CCM2L: variants seen among roughly 807,000 people sequenced by gnomAD.
CCM2L encodes CCM2 like scaffold protein, also known as cerebral cavernous malformations 2 protein-like.
Under a neutral mutation model 54.1 loss-of-function variants are expected in CCM2L, and 36 were observed. That is an observed-to-expected ratio of 0.67 (90% CI 0.51 to 0.88). The LOEUF (loss-of-function observed/expected upper bound fraction) is 0.88. CCM2L is among the 40% of genes least tolerant of loss of function. The probability of loss-of-function intolerance (pLI) is 0.00; values close to 1 mark genes in which losing one functional copy is unlikely to be tolerated. For synonymous variants in CCM2L, 351 were observed against 359.3 expected, an observed-to-expected ratio of 0.98 and a Z score of 0.26; for missense variants, 700 against 812.1, an observed-to-expected ratio of 0.86 and a Z score of 1.68.
Position 32,031,150 on chromosome 20 carries a change from T to C in CCM2L, c.1552T>C (p.Tyr518His). The stretch of plus-strand genomic sequence containing the variant: ...CACGTCGGCCTCCGCAGTGCGCAGC[T>C]ACGATGGCGCGGCGCAGCGGCCCGA... ...SSTSASAVRS[Y>H]DGAAQRPEAQ... Residue 518 changes from tyrosine (Y) to histidine (H), a missense_variant, in exon 10 of 10, where the codon TAC becomes CAC. Physicochemically the swap from Tyr to His is moderately conservative, Grantham distance 83. Coordinates refer to ENST00000452892, the MANE Select transcript of CCM2L (RefSeq NM_001365692.1). The C allele has an allele frequency of 7.7e-7, 1 of 1,303,372 alleles. No individual in the cohort carries two copies. Among genetic ancestry groups the C allele is most frequent in the Non-Finnish European group, 1.0e-6 (1 of 988,664 alleles). 80.7% of individuals were successfully genotyped at this position (1,303,372 alleles called of 1,614,324 possible).
At chr20:32,021,702 T>C (rs1369038670) in intron 5 of CCM2L, among the ~76,000 whole-genome samples, 1 of 152,070 alleles carries the variant, frequency 6.6e-6, no homozygotes, top group Non-Finnish European at 1.5e-5. Context: ...ATCTGAGTCA[T>C]CCTGGTCCTA....
At position 32,018,072 on chromosome 20, in the gene CCM2L, G is replaced by A; in HGVS notation, c.376G>A (p.Glu126Lys). ...CCTGCTGCTCACCTGGCGCGACAAT[G>A]AAGAGCTCATTCTGCGAATCCCTAC... ...RCLLLTWRDN[E>K]ELILRIPTHE... Residue 126 changes from glutamate to lysine, a missense_variant, in exon 4 of 10, where the codon GAA (glutamate) becomes AAA (lysine). Coordinates refer to ENST00000452892, the MANE Select transcript of CCM2L (RefSeq NM_001365692.1). 6.2e-7 allele frequency: 1 copy of A among 1,613,486 alleles called. No individual in the cohort carries two copies. The highest frequency in any genetic ancestry group is 2.2e-5 in the East Asian group (1 of 44,866).
chr20:32,018,934 C>A lies in CCM2L; in HGVS notation c.467-9C>A. 7.5e-7 allele frequency: 1 copy of A among 1,334,494 alleles called. No individual in the cohort carries two copies. Among genetic ancestry groups the A allele is most frequent in the Non-Finnish European group, 9.6e-7 (1 of 1,045,000 alleles). The allele number at this position is 1,334,494 out of a possible 1,614,324, so 82.7% of individuals were successfully genotyped here. ...TCCCCGCGGCTGACGGTCCCCCGGA[C>A]TCTCCTAGGTCTGGGTGTGGACCCG... On this transcript the variant is annotated splice_polypyrimidine_tract_variant and intron_variant, in intron 4 of 9. Coordinates refer to ENST00000452892, the MANE Select transcript of CCM2L (RefSeq NM_001365692.1).
At position 32,029,820 on chromosome 20, in the gene CCM2L, C is replaced by G; in HGVS notation, c.1384C>G (p.Arg462Gly). The part of the protein sequence containing the change: ...TGLLKLYGDR[R>G]KFLLLGMRPF... ...CCTGCTGAAGCTCTACGGAGACCGG[C>G]GCAAGTTCCTCCTCCTTGGTGAGCC... Residue 462 changes from arginine to glycine, a missense_variant, in exon 9 of 10, where the codon CGC (arginine) becomes GGC (glycine). Arg to Gly is a moderately radical substitution (Grantham distance 125). Coordinates refer to ENST00000452892, the MANE Select transcript of CCM2L (RefSeq NM_001365692.1). 1 of 1,605,142 alleles carries G rather than the reference C, an allele frequency of 6.2e-7. No individual in the cohort carries two copies. Among genetic ancestry groups the G allele is most frequent in the Non-Finnish European group, 8.5e-7 (1 of 1,174,542 alleles).
At position 32,018,924 on chromosome 20, in the gene CCM2L, G is replaced by C; in HGVS notation, c.467-19G>C. The C allele has an allele frequency of 7.7e-7, 1 of 1,302,262 alleles. No individual in the cohort carries two copies. Among genetic ancestry groups the C allele is most frequent in the Non-Finnish European group, 9.7e-7 (1 of 1,025,794 alleles). The allele number at this position is 1,302,262 out of a possible 1,614,324, so 80.7% of individuals were successfully genotyped here. On this transcript the variant is annotated intron_variant, in intron 4 of 9. Transcript: ENST00000452892. ...TGAGTCCCGATCCCCGCGGCTGACG[G>C]TCCCCCGGACTCTCCTAGGTCTGGG...
intron 2 of CCM2L, among the ~76,000 whole-genome samples, chr20:32,015,971 C>T (rs1291888491): frequency 6.6e-6 from 1 of 151,134 alleles, no homozygotes; most frequent in Admixed American, 6.6e-5. Context: ...ATTCTCCTGC[C>T]TCAGCCTCCT....
rs1600668903 is a variant in CCM2L, at chr20:32,010,464, GAAGTC to G, written c.14_18del (p.Val5GlufsTer25). 5 of 1,483,530 alleles carry G rather than the reference GAAGTC, an allele frequency of 3.4e-6. No homozygotes were observed. Among genetic ancestry groups the G allele is most frequent in the East Asian group, 2.8e-5 (1 of 35,668 alleles). The allele number at this position is 1,483,530 out of a possible 1,614,324, so 91.9% of individuals were successfully genotyped here. The stretch of plus-strand genomic sequence containing the variant: ...GAGGGGACATTTCACCATGGAATAT[GAAGTC>G]AAGAAAGGGAAGAAGGTAGGTGGGA... On this transcript the variant is annotated frameshift_variant, in exon 1 of 10. Transcript: ENST00000452892. LOFTEE classifies it high-confidence loss of function.
At position 32,031,417 on chromosome 20, in the gene CCM2L, C is replaced by CG. The variant is rs1288048283; in HGVS notation, c.*109dup. ...GCCCCCCCATCACACCTGGCGGGGCCGGGGGGTCTTCACTCCAGGGTCTCG... is the reference window on the plus strand; with the variant it reads ...GCCCCCCCATCACACCTGGCGGGGCCGGGGGGGTCTTCACTCCAGGGTCTCG... On this transcript the variant is annotated 3_prime_UTR_variant, in exon 10 of 10. Transcript: ENST00000452892. 26 of 1,013,470 alleles carry CG rather than the reference C, an allele frequency of 2.6e-5. No homozygotes were observed. Among genetic ancestry groups the CG allele is most frequent in the South Asian group, 1.3e-4 (8 of 61,348 alleles). 62.8% of individuals were successfully genotyped at this position (1,013,470 alleles called of 1,614,324 possible).
chr20:32,017,702 T>C, intron 2 of CCM2L, 98 bp from the exon 3 acceptor site: 1 of 951,900 alleles, frequency 1.1e-6, no homozygotes, highest in Non-Finnish European at 1.7e-6. Context: ...TGTATTTCTA[T>C]CTCAATCTAT....
At chr20:32,020,491 T>G (rs2122342243) in intron 5 of CCM2L, among the ~76,000 whole-genome samples, 1 of 152,292 alleles carries the variant, frequency 6.6e-6, no homozygotes, top group South Asian at 2.1e-4. Context: ...TCTGAAGATC[T>G]AACGACTGTT....
rs1184242625 is a variant in CCM2L, at chr20:32,018,007, C to T, written c.311C>T (p.Thr104Met). 1.9e-6 allele frequency: 3 copies of T among 1,613,720 alleles called. No individual in the cohort carries two copies. Among genetic ancestry groups the T allele is most frequent in the Non-Finnish European group, 1.7e-6 (2 of 1,179,994 alleles). The change falls in exon 4 of 10, where the codon ACG becomes ATG. Residue 104 changes from threonine to methionine, a missense_variant. Physicochemically the swap from Thr to Met is moderately conservative, Grantham distance 81 (BLOSUM62 -1). Coordinates refer to ENST00000452892, the MANE Select transcript of CCM2L (RefSeq NM_001365692.1). ...RQLKELPLKT[T>M]AEQDSILSLS... is the part of the protein sequence containing the mutation. The stretch of plus-strand genomic sequence containing the variant: ...CTGAAGGAGCTGCCGCTGAAGACCA[C>T]GGCGGAGCAGGACAGCATCCTGAGC...
chr20:32,027,037 CAAAT>C (rs1019448122), intron 7 of CCM2L, among the ~76,000 whole-genome samples: 7 of 151,742 alleles, frequency 4.6e-5, no homozygotes, highest in Admixed American at 1.3e-4. Context: ...AATAAATAAA[CAAAT>C]AAATAAATAA....
At chr20:32,030,908 G>A in intron 9 of CCM2L, 93 bp from the exon 10 acceptor site, 1 of 1,141,886 alleles carries the variant, frequency 8.8e-7, no homozygotes, top group Non-Finnish European at 1.2e-6. Context: ...AGTGACAGCA[G>A]GGATTTGCAC....
chr20:32,029,572 A>C, intron 8 of CCM2L, 128 bp from the exon 9 acceptor site: 1 of 1,183,540 alleles, frequency 8.4e-7, no homozygotes, highest in Non-Finnish European at 1.2e-6. Flanking sequence ...TCCTCTGAAT[A>C]GCCCATGGGA....
At position 32,027,374 on chromosome 20, in the gene CCM2L, G is replaced by A. The variant is rs539461360; in HGVS notation, c.1133+1455G>A. Among the ~76,000 whole-genome samples the A allele has an allele frequency of 3.3e-5, 5 of 152,304 alleles. No homozygotes were observed. The East Asian group carries it at 5.8e-4, about 18-fold the overall frequency. On this transcript the variant is annotated intron_variant, in intron 7 of 9. Transcript: ENST00000452892. ...GAAGAGATAAAATAGTGATAATAGC[G>A]TTTGAACATTGAACTTGCTATGTAC...
chr20:32,024,034 C>T (rs1031905652), intron 6 of CCM2L, among the ~76,000 whole-genome samples: 6 of 152,086 alleles, frequency 3.9e-5, no homozygotes, highest in Non-Finnish European at 7.4e-5. Flanking sequence ...CGCCTGGCCA[C>T]GATTCCAGTT....
intron 4 of CCM2L, 58 bp downstream of exon 4, chr20:32,018,220 GGGGGCGGGGGCGGGGCAGGGGCA>G (rs2064760157): frequency 3.3e-6 from 1 of 304,716 alleles, no homozygotes; most frequent in Admixed American, 6.1e-5. Flanking sequence ...GGGGAGGGGC[GGGGGCGGGGGCGGGGCAGGGGCA>G]GGGGCAGGGG....
intron 4 of CCM2L, 51 bp from the exon 5 acceptor site, chr20:32,018,892 G>A (rs1001777114): frequency 1.6e-6 from 2 of 1,251,354 alleles, no homozygotes; most frequent in South Asian, 5.5e-5. Context: ...CGGGGCGGGG[G>A]GGTCTCTGAG....
At chr20:32,015,295 C>A (rs1050181174) in intron 2 of CCM2L, among the ~76,000 whole-genome samples, 1 of 152,194 alleles carries the variant, frequency 6.6e-6, no homozygotes, top group Non-Finnish European at 1.5e-5. Context: ...AACCTACCCC[C>A]AGTGGAGAGT....
Sources: gnomAD v4.1 joint callset for allele counts (sites outside exome capture counted in the v4.1 genomes callset) on GRCh38, gnomAD v4.1.1 for gene constraint, MANE v1.5 for transcripts, NCBI Gene and HGNC (gene_info 2026-07-23, HGNC 2026-07-21) for gene names.